Variants in TXNDC11 observed in about 807,000 individuals in gnomAD.
TXNDC11 encodes the protein thioredoxin domain-containing protein 11.
Under a neutral mutation model 78.0 loss-of-function variants are expected in TXNDC11, and 68 were observed. The observed-to-expected ratio is 0.87, with a 90% CI of 0.72 to 1.07. The LOEUF is 1.07. Among genes scored for constraint, TXNDC11 ranks in the 50% least tolerant of loss-of-function variants. TXNDC11 has a pLI of 0.00. For synonymous variants in TXNDC11, 571 were observed against 495.2 expected, an observed-to-expected ratio of 1.15 and a Z score of -2.03; for missense variants, 1,389 against 1,221.8, an observed-to-expected ratio of 1.14 and a Z score of -2.04.
chr16:11,679,796 G>A lies in TXNDC11; in HGVS notation c.2276C>T (p.Thr759Ile), dbSNP rs769760117. ...AATGAACCTCAACAGGTTTGGAAGG[G>A]TGATGGGGACGTCTTCGGGGTATTT... ...SVKYPEDVPI[T>I]LPNLLRFILH... The change falls in exon 12 of 12, where the codon ACC (threonine) becomes ATC (isoleucine). Residue 759 changes from threonine (T) to isoleucine (I), a missense_variant. Transcript: ENST00000283033. The surrounding 1 kb of genome is among the most constrained non-coding windows in gnomAD (Gnocchi z 4.6). 1.2e-6 allele frequency: 2 copies of A among 1,613,922 alleles called. No homozygotes were observed. The highest frequency in any genetic ancestry group is 3.3e-5 in the Admixed American group (2 of 60,020).
intron 11 of TXNDC11, among the ~76,000 whole-genome samples, chr16:11,680,367 T>C (rs1181147664): frequency 1.3e-5 from 2 of 152,224 alleles, no homozygotes; most frequent in African/African-American, 2.4e-5. Flanking sequence ...GGGGTGACTG[T>C]ACCCCCATTC....
At chr16:11,740,132 G>A (rs1420226182) in intron 1 of TXNDC11, among the ~76,000 whole-genome samples, 2 of 148,228 alleles carry the variant, frequency 1.3e-5, no homozygotes, top group African/African-American at 5.1e-5. Context: ...GGCAGAGGTT[G>A]CAGTGAGCCA....
chr16:11,702,710 C>A (rs2051068206), intron 5 of TXNDC11, among the ~76,000 whole-genome samples: 1 of 152,062 alleles, frequency 6.6e-6, no homozygotes, highest in South Asian at 2.1e-4. Context: ...TTTTAAAAAA[C>A]AGTTAAACAT....
chr16:11,716,236 G>T (rs773579278), intron 5 of TXNDC11, among the ~76,000 whole-genome samples: 2 of 152,106 alleles, frequency 1.3e-5, no homozygotes, highest in Non-Finnish European at 2.9e-5. Context: ...TGAAAAATGG[G>T]GTCAAAATTT....
chr16:11,736,198 G>C lies in TXNDC11; in HGVS notation c.290C>G (p.Pro97Arg). 6.2e-7 allele frequency: 1 copy of C among 1,613,536 alleles called. No individual in the cohort carries two copies. The highest frequency in any genetic ancestry group is 8.5e-7 in the Non-Finnish European group (1 of 1,179,712). ...AKDVIIPAKPPVSFFSLRSPV... is the reference protein window; with the variant it reads ...AKDVIIPAKPRVSFFSLRSPV... ...AGACCTCAAGGAGAAAAAGCTGACA[G>C]GTGGCTTTGCTGGTATTATCACATC... is the stretch of plus-strand genomic sequence containing the variant. The change falls in exon 2 of 12, where the codon CCT becomes CGT. Residue 97 changes from proline (P) to arginine (R), a missense_variant. Coordinates refer to ENST00000283033, the MANE Select transcript of TXNDC11 (RefSeq NM_015914.7).
intron 2 of TXNDC11, 117 bp downstream of exon 2, chr16:11,735,899 AC>A: frequency 1.1e-6 from 1 of 880,938 alleles, no homozygotes; most frequent in Non-Finnish European, 1.8e-6. Flanking sequence ...CTTAGAAACG[AC>A]TCCTGGAGTT....
chr16:11,742,127 G>A (rs1319189492), intron 1 of TXNDC11: 1 of 283,810 alleles, frequency 3.5e-6, no homozygotes, highest in East Asian at 6.3e-5. Flanking sequence ...GAAGCTTAAG[G>A]GGAATGAAAT....
chr16:11,684,271 G>A (rs1182278009), intron 10 of TXNDC11, 26 bp from the exon 11 acceptor site: 2 of 1,569,792 alleles, frequency 1.3e-6, no homozygotes, highest in African/African-American at 1.4e-5. Flanking sequence ...AACAGAAATG[G>A]CAGATGATCA....
rs2051606669 is a variant in TXNDC11, at chr16:11,718,411, G to A, written c.793+3166C>T. Among the ~76,000 whole-genome samples the A allele has an allele frequency of 2.0e-5, 3 of 152,120 alleles. No individual in the cohort carries two copies. In the South Asian group the frequency reaches 6.2e-4, roughly 32 times the overall value. On this transcript the variant is annotated intron_variant, in intron 5 of 11. Transcript: ENST00000283033. ...TTCTCTATAACTAAATGTTATATGT[G>A]TCAAATGTTTCTCCAGCCTTGATCT...
At chr16:11,682,223 C>T (rs1282485763) in intron 11 of TXNDC11, among the ~76,000 whole-genome samples, 2 of 152,244 alleles carry the variant, frequency 1.3e-5, no homozygotes, top group African/African-American at 2.4e-5. Context: ...ACCAAACACT[C>T]GCTTGGGACC....
At chr16:11,713,672 TC>T (rs774393387) in intron 5 of TXNDC11, among the ~76,000 whole-genome samples, 1 of 152,150 alleles carries the variant, frequency 6.6e-6, no homozygotes, top group African/African-American at 2.4e-5. Context: ...CGCCTTGGCC[TC>T]CCAAAGTGCT....
At chr16:11,723,711 A>G (rs926817000) in intron 4 of TXNDC11, among the ~76,000 whole-genome samples, 2 of 152,314 alleles carry the variant, frequency 1.3e-5, no homozygotes, top group African/African-American at 2.4e-5. Flanking sequence ...GCATTCTACA[A>G]TTCTGTCAAA....
At chr16:11,721,695 G>A (rs1212806730) in intron 4 of TXNDC11, 25 bp from the exon 5 acceptor site, 2 of 1,432,302 alleles carry the variant, frequency 1.4e-6, no homozygotes, top group South Asian at 2.3e-5. Context: ...GCAGAATTAG[G>A]TAACTGAGGC....
At position 11,684,312 on chromosome 16, in the gene TXNDC11, C is replaced by T. The variant is rs3784922; in HGVS notation, c.2154-67G>A. On this transcript the variant is annotated intron_variant, in intron 10 of 11. Transcript: ENST00000283033. ...AGAAACACCAACTTGAAAGAACCTT[C>T]TCAGATAACTTCAAGAACCTGGTGC... The T allele has an allele frequency of 1.2e-5, 15 of 1,205,308 alleles. No individual in the cohort carries two copies. The East Asian group carries it at 3.2e-4, about 26-fold the overall frequency. The allele number at this position is 1,205,308 out of a possible 1,614,324, so 74.7% of individuals were successfully genotyped here. A position where few individuals can be genotyped will look rare whatever the true frequency, so the allele number is the denominator to read the frequency against.
chr16:11,737,512 G>C (rs984798692), intron 1 of TXNDC11, among the ~76,000 whole-genome samples: 11 of 151,518 alleles, frequency 7.3e-5, no homozygotes, highest in African/African-American at 2.4e-4. Flanking sequence ...CGGTACAAAT[G>C]GAAAACAAGG....
intron 4 of TXNDC11, among the ~76,000 whole-genome samples, chr16:11,727,084 T>C (rs542225214): frequency 1.3e-5 from 2 of 152,310 alleles, no homozygotes; most frequent in South Asian, 2.1e-4. Context: ...GAGAATATTA[T>C]GTATTTCAGG....
At position 11,702,513 on chromosome 16, in the gene TXNDC11, T is replaced by A. The variant is rs1597440043; in HGVS notation, c.794-1949A>T. ...TGAAACCCTGTCTCTACTAAAAATATAAAAATTATCCGGGTGTGTTGTGGT... is the reference window on the plus strand; with the variant it reads ...TGAAACCCTGTCTCTACTAAAAATAAAAAAATTATCCGGGTGTGTTGTGGT... On this transcript the variant is annotated intron_variant, in intron 5 of 11. Transcript: ENST00000283033. 5.9e-5 allele frequency among the ~76,000 whole-genome samples: 9 copies of A among 152,044 alleles called. No individual in the cohort carries two copies. The South Asian group carries it at 1.9e-3, about 32-fold the overall frequency.
At chr16:11,732,842 T>A (rs2052095531) in intron 3 of TXNDC11, among the ~76,000 whole-genome samples, 1 of 152,160 alleles carries the variant, frequency 6.6e-6, no homozygotes, top group Non-Finnish European at 1.5e-5. Flanking sequence ...TAAATCCCCA[T>A]TGATTATGGC....
At chr16:11,719,655 C>T (rs753861947) in intron 5 of TXNDC11, among the ~76,000 whole-genome samples, 1 of 152,140 alleles carries the variant, frequency 6.6e-6, no homozygotes, top group Non-Finnish European at 1.5e-5. Flanking sequence ...ACTTGCTTGG[C>T]AAAGACTGAC....
Sources: allele counts gnomAD v4.1 joint callset (sites outside exome capture counted in the v4.1 genomes callset), GRCh38; gene constraint gnomAD v4.1.1; non-coding constraint Gnocchi (gnomAD v3.1); transcripts MANE v1.5; gene names NCBI Gene and HGNC (gene_info 2026-07-23, HGNC 2026-07-21).